The following EVL variants were observed in gnomAD, a reference collection of about 807,000 sequenced individuals.
EVL encodes Enah/Vasp-like, also known as ena/VASP-like protein.
In EVL, 21 loss-of-function variants were observed where a neutral mutation model predicts 59.6. The ratio of observed to expected loss-of-function variants is 0.35; its 90% CI spans 0.25 to 0.51. The LOEUF is 0.51. EVL is among the 20% of genes least tolerant of loss of function. EVL has a pLI of 0.97. For synonymous variants in EVL, 198 were observed against 203.5 expected (o/e 0.97, Z 0.23); for missense variants, 462 against 546.6 (o/e 0.85, Z 1.54).
intron 3 of EVL, among the ~76,000 whole-genome samples, chr14:100,116,637 TC>T (rs1257107674): frequency 2.6e-5 from 4 of 152,040 alleles, no homozygotes; most frequent in Non-Finnish European, 5.9e-5. Context: ...GCCACACCGC[TC>T]CCTGCCTACC....
chr14:100,122,987 CAGGGG>C (rs1406179211), intron 3 of EVL, among the ~76,000 whole-genome samples: 1 of 152,220 alleles, frequency 6.6e-6, no homozygotes, highest in Non-Finnish European at 1.5e-5. Flanking sequence ...TTGTAGACAG[CAGGGG>C]TCACCCCAGG....
At chr14:100,141,588 TG>T in intron 12 of EVL, 147 bp from the exon 13 acceptor site, 1 of 694,094 alleles carries the variant, frequency 1.4e-6, no homozygotes. Flanking sequence ...CCCCTCAGCG[TG>T]GGAAGGGGGC....
intron 3 of EVL, among the ~76,000 whole-genome samples, chr14:100,117,896 C>T (rs1595211855): frequency 6.6e-6 from 1 of 152,212 alleles, no homozygotes. Flanking sequence ...CTGTGTCACT[C>T]GCTCTAGGCT....
chr14:100,081,720 C>G (rs568557872), intron 1 of EVL, among the ~76,000 whole-genome samples: 4 of 152,158 alleles, frequency 2.6e-5, no homozygotes, highest in African/African-American at 7.2e-5. Flanking sequence ...TACTCCCTGC[C>G]TCTGCTCAGC....
intron 1 of EVL, among the ~76,000 whole-genome samples, chr14:100,073,061 T>C (rs538646851): frequency 6.6e-6 from 1 of 152,240 alleles, no homozygotes; most frequent in African/African-American, 2.4e-5. Context: ...GGTCACTGAA[T>C]TGGGACATGG....
intron 3 of EVL, among the ~76,000 whole-genome samples, chr14:100,104,997 T>G (rs1886473190): frequency 6.8e-6 from 1 of 147,758 alleles, no homozygotes; most frequent in African/African-American, 2.5e-5. Context: ...GAGGGCTTTG[T>G]AGAGCCACGG....
rs1047449719 is a variant in EVL at position 100,114,874 on chromosome 14, G to A, written c.359-8665G>A. 2.0e-5 allele frequency among the ~76,000 whole-genome samples: 3 copies of A among 152,086 alleles called. No homozygotes were observed. Among genetic ancestry groups the A allele is most frequent in the Non-Finnish European group, 4.4e-5 (3 of 68,012 alleles). The stretch of plus-strand genomic sequence containing the variant: ...ACAGGGTTTGCAATGACATCCTTGC[G>A]GAAGCGGCAGGGTGGAAGCAGCAGC... On this transcript the variant is annotated intron_variant, in intron 3 of 13. Coordinates refer to ENST00000392920, the MANE Select transcript of EVL (RefSeq NM_016337.3). This position sits in a 1 kb window ranked among gnomAD's most constrained non-coding sequence, Gnocchi z 5.0.
chr14:100,033,653 T>C (rs1386880640), intron 1 of EVL, among the ~76,000 whole-genome samples: 1 of 152,248 alleles, frequency 6.6e-6, no homozygotes, highest in Non-Finnish European at 1.5e-5. Context: ...AACTTGACTA[T>C]GATCAGTGTA....
chr14:100,060,287 C>T (rs1026847743), intron 1 of EVL, among the ~76,000 whole-genome samples: 37 of 151,972 alleles, frequency 2.4e-4, no homozygotes, highest in African/African-American at 7.5e-4. Context: ...AAAAATTAGC[C>T]GGGCGTGGTG....
intron 1 of EVL, among the ~76,000 whole-genome samples, chr14:99,988,202 C>T (rs921199519): frequency 3.3e-5 from 5 of 152,078 alleles, no homozygotes; most frequent in South Asian, 2.1e-4. Context: ...AGGTGTGAGC[C>T]GCCGTGCCTG....
At chr14:100,072,731 G>A (rs1267473032) in intron 1 of EVL, among the ~76,000 whole-genome samples, 2 of 152,212 alleles carry the variant, frequency 1.3e-5, no homozygotes, top group African/African-American at 2.4e-5. Context: ...TTAACCATGG[G>A]CAGGTTTAGT....
chr14:100,006,993 C>A (rs1249151510), intron 1 of EVL, among the ~76,000 whole-genome samples: 1 of 152,010 alleles, frequency 6.6e-6, no homozygotes, highest in African/African-American at 2.4e-5. Flanking sequence ...AGGTTAGGGG[C>A]ACCTTCACTC....
intron 1 of EVL, among the ~76,000 whole-genome samples, chr14:100,082,425 C>T (rs986892714): frequency 7.2e-5 from 11 of 152,176 alleles, no homozygotes; most frequent in African/African-American, 2.4e-4. Context: ...AGGAAGCGCT[C>T]TTCCTTCAGC....
chr14:100,067,743 A>T (rs370317574), intron 1 of EVL, among the ~76,000 whole-genome samples: 2 of 152,328 alleles, frequency 1.3e-5, no homozygotes, highest in East Asian at 3.9e-4. Context: ...TTACGCCTGA[A>T]TTAGAGCTGC....
chr14:100,097,858 C>G, intron 3 of EVL, 200 bp downstream of exon 3: 1 of 493,718 alleles, frequency 2.0e-6, no homozygotes, highest in Non-Finnish European at 3.5e-6. Flanking sequence ...GAGTTTGTAT[C>G]TCTTTGCCAC....
chr14:100,089,477 C>T (rs1261607879), intron 2 of EVL, among the ~76,000 whole-genome samples: 1 of 152,220 alleles, frequency 6.6e-6, no homozygotes, highest in Admixed American at 6.5e-5. Context: ...CAGAGGGTAA[C>T]TTTTAAAATC....
chr14:99,975,242 G>T (rs2060762401), intron 1 of EVL: 1 of 152,222 alleles, frequency 6.6e-6, no homozygotes, highest in African/African-American at 2.4e-5. Flanking sequence ...TCAGTCTCTT[G>T]TTCCTTTGAA....
chr14:99,972,050 A>G lies in EVL; in HGVS notation c.-3A>G. On this transcript the variant is annotated 5_prime_UTR_variant, in exon 1 of 14. Transcript: ENST00000402714. This position sits in a 1 kb window ranked among gnomAD's most constrained non-coding sequence, Gnocchi z 4.4. The stretch of plus-strand genomic sequence containing the variant: ...CCCGGCGCGCCCGTCCCCGGCAGCG[A>G]CAATGAGGTGAGTCGGGGCCGGCGC... 1.1e-5 allele frequency: 3 copies of G among 279,922 alleles called. No individual in the cohort carries two copies. Among genetic ancestry groups the G allele is most frequent in the Non-Finnish European group, 2.0e-5 (3 of 150,390 alleles). 17.3% of individuals were successfully genotyped at this position (279,922 alleles called of 1,614,324 possible). A position where few individuals can be genotyped will look rare whatever the true frequency, so the allele number is the denominator to read the frequency against.
At chr14:100,043,755 G>A (rs1474092197) in intron 1 of EVL, among the ~76,000 whole-genome samples, 2 of 151,810 alleles carry the variant, frequency 1.3e-5, no homozygotes, top group Non-Finnish European at 2.9e-5. Context: ...TGGGACTACA[G>A]ATGCATGCCA....
Sources: allele counts gnomAD v4.1 joint callset (sites outside exome capture counted in the v4.1 genomes callset), GRCh38; gene constraint gnomAD v4.1.1; non-coding constraint Gnocchi (gnomAD v3.1); transcripts MANE v1.5; gene names NCBI Gene and HGNC (gene_info 2026-07-23, HGNC 2026-07-21).